The following OR2L3 variants were observed in gnomAD, a reference collection of about 807,000 sequenced individuals.
OR2L3 encodes the protein olfactory receptor 2L3.
For missense variants in OR2L3, 369 were observed against 376.6 expected (o/e 0.98, Z 0.17); for synonymous variants, 131 against 139.1 (o/e 0.94, Z 0.41).
In OR2L3 at chr1:248,052,862, A is replaced by G. The variant is rs552036604; in HGVS notation, c.-22+5982A>G. ...TAGAATGGGCTTTTCTGTTTCTGAAAAAAAAAATTTATCATTTTAATTTTG... is the reference window on the plus strand; with the variant it reads ...TAGAATGGGCTTTTCTGTTTCTGAAGAAAAAAATTTATCATTTTAATTTTG... On this transcript the variant is annotated intron_variant, in intron 1 of 1. Coordinates refer to ENST00000359959, the MANE Select transcript of OR2L3 (RefSeq NM_001004687.2). 7.2e-5 allele frequency among the ~76,000 whole-genome samples: 11 copies of G among 152,250 alleles called. No homozygotes were observed. In the South Asian group the frequency reaches 2.3e-3, roughly 32 times the overall value.
intron 1 of OR2L3, among the ~76,000 whole-genome samples, chr1:248,057,267 T>A (rs1050241371): frequency 2.0e-5 from 3 of 152,106 alleles, no homozygotes; most frequent in Non-Finnish European, 4.4e-5. Flanking sequence ...TGTGTAGGGG[T>A]CTAAGTCTCT....
At chr1:248,057,316 C>A (rs2103120579) in intron 1 of OR2L3, among the ~76,000 whole-genome samples, 1 of 152,230 alleles carries the variant, frequency 6.6e-6, no homozygotes. Flanking sequence ...AATCTGGATG[C>A]TCCTGTATTG....
Position 248,061,338 on chromosome 1 carries a change from G to T in OR2L3, c.657G>T (p.Arg219=). The T allele has an allele frequency of 6.2e-7, 1 of 1,613,834 alleles. No homozygotes were observed. The highest frequency in any genetic ancestry group is 8.5e-7 in the Non-Finnish European group (1 of 1,179,996). Residue 219 remains arginine, a synonymous_variant, in exon 2 of 2, where the codon CGG becomes CGT. Coordinates refer to ENST00000359959, the MANE Select transcript of OR2L3 (RefSeq NM_001004687.2). ...PFIAISCSYG[R]VLLAVYHMKS... is the part of the protein sequence containing the mutation. ...TTGCTATTTCATGTTCCTATGGCCG[G>T]GTTCTCCTTGCTGTCTACCACATGA...
At chr1:248,060,391 G>T (rs1663583185) in intron 1 of OR2L3, among the ~76,000 whole-genome samples, 1 of 152,160 alleles carries the variant, frequency 6.6e-6, no homozygotes, top group Admixed American at 6.6e-5. Context: ...AAAACATTTT[G>T]AGAGAGAAAG....
intron 1 of OR2L3, among the ~76,000 whole-genome samples, chr1:248,055,483 T>C (rs1258236181): frequency 6.6e-6 from 1 of 152,110 alleles, no homozygotes; most frequent in Non-Finnish European, 1.5e-5. Flanking sequence ...GGGCTGGGCA[T>C]GGTGACTCAT....
Position 248,061,720 on chromosome 1 carries a change from A to C in OR2L3, c.*100A>C. ...TCAATCCTAGAGTTCAGGAGCTAAA[A>C]GTAATCAAGGTAAGAGAAAAAAATC... is the stretch of plus-strand genomic sequence containing the variant. On this transcript the variant is annotated 3_prime_UTR_variant, in exon 2 of 2. Coordinates refer to ENST00000359959, the MANE Select transcript of OR2L3 (RefSeq NM_001004687.2). The C allele has an allele frequency of 8.9e-7, 1 of 1,124,540 alleles. No homozygotes were observed. The highest frequency in any genetic ancestry group is 1.8e-5 in the South Asian group (1 of 55,496). 69.7% of individuals were successfully genotyped at this position (1,124,540 alleles called of 1,614,324 possible).
intron 1 of OR2L3, among the ~76,000 whole-genome samples, chr1:248,048,013 A>T (rs1388445752): frequency 3.9e-5 from 6 of 152,206 alleles, no homozygotes; most frequent in African/African-American, 1.2e-4. Flanking sequence ...AATTCGATTT[A>T]TTTTAAATGG....
intron 1 of OR2L3, among the ~76,000 whole-genome samples, chr1:248,055,077 G>C (rs926161520): frequency 6.6e-6 from 1 of 152,152 alleles, no homozygotes; most frequent in Non-Finnish European, 1.5e-5. Context: ...CTGTGGGTTT[G>C]TCATAAATGG....
chr1:248,051,531 A>G (rs1663263576), intron 1 of OR2L3, among the ~76,000 whole-genome samples: 1 of 152,312 alleles, frequency 6.6e-6, no homozygotes, highest in African/African-American at 2.4e-5. Context: ...GGAGCTAAGC[A>G]TTGGGTACAC....
rs755588484 is a variant in OR2L3 at position 248,061,149 on chromosome 1, T to A, written c.468T>A (p.Cys156Ter). The A allele has an allele frequency of 1.8e-5, 28 of 1,544,032 alleles. No individual in the cohort carries two copies. The highest frequency in any genetic ancestry group is 1.7e-4 in the Middle Eastern group (1 of 5,902). Residue 156 changes from cysteine (C) to a stop codon, truncating the protein, a stop_gained, in exon 2 of 2, where the codon TGT becomes TGA. Transcript: ENST00000359959. LOFTEE classifies it low-confidence loss of function (END_TRUNC). ...GSWIIGSINA[C>*]AHTVYVLHIP... The stretch of plus-strand genomic sequence containing the variant: ...GGATCATAGGCTCGATCAATGCTTG[T>A]GCTCACACTGTATATGTACTCCATA...
At chr1:248,054,350 G>C (rs1663365011) in intron 1 of OR2L3, among the ~76,000 whole-genome samples, 1 of 152,098 alleles carries the variant, frequency 6.6e-6, no homozygotes, top group Non-Finnish European at 1.5e-5. Context: ...ATAAGTTTAT[G>C]TTACTGTAGC....
At chr1:248,054,874 A>G (rs1365396072) in intron 1 of OR2L3, among the ~76,000 whole-genome samples, 1 of 152,152 alleles carries the variant, frequency 6.6e-6, no homozygotes, top group Non-Finnish European at 1.5e-5. Flanking sequence ...ATAGAATCAT[A>G]TCATCTGAAA....
Position 248,061,040 on chromosome 1 carries a change from A to G in OR2L3, c.359A>G (p.Asp120Gly), listed in dbSNP as rs1663612659. Residue 120 changes from aspartate (D) to glycine (G), a missense_variant, in exon 2 of 2, where the codon GAT (aspartate) becomes GGT (glycine). By Grantham distance (94) the Asp-to-Gly change is moderately conservative (BLOSUM62 -1). Coordinates refer to ENST00000359959, the MANE Select transcript of OR2L3 (RefSeq NM_001004687.2). ...EALLLASMAY[D>G]RYIAICFPLH... Reference sequence around the variant, plus strand: ...CTACTTTTGGCATCTATGGCCTATGATCGTTACATTGCTATTTGCTTTCCT... The same window carrying G: ...CTACTTTTGGCATCTATGGCCTATGGTCGTTACATTGCTATTTGCTTTCCT... The G allele has an allele frequency of 1.2e-6, 2 of 1,614,012 alleles. No homozygotes were observed. Among genetic ancestry groups the G allele is most frequent in the Non-Finnish European group, 1.7e-6 (2 of 1,180,008 alleles).
intron 1 of OR2L3, among the ~76,000 whole-genome samples, chr1:248,050,137 CGTA>C (rs1558198544): frequency 6.6e-6 from 1 of 152,016 alleles, no homozygotes; most frequent in African/African-American, 2.4e-5. Flanking sequence ...TCACATGAGA[CGTA>C]GTTCAGGTTT....
intron 1 of OR2L3, among the ~76,000 whole-genome samples, chr1:248,052,350 G>T (rs1663287625): frequency 6.6e-6 from 1 of 152,132 alleles, no homozygotes; most frequent in Non-Finnish European, 1.5e-5. Flanking sequence ...GCTATTTCTT[G>T]ACTCTGTTTT....
chr1:248,047,097 C>T (rs1437320185), intron 1 of OR2L3, among the ~76,000 whole-genome samples: 5 of 151,978 alleles, frequency 3.3e-5, no homozygotes, highest in East Asian at 1.9e-4. Context: ...GTTTTCTGGA[C>T]GGGAAGGTAA....
chr1:248,047,637 G>C (rs1663121022), intron 1 of OR2L3, among the ~76,000 whole-genome samples: 1 of 151,916 alleles, frequency 6.6e-6, no homozygotes. Flanking sequence ...TTTTCTTTCG[G>C]GACACAAGGT....
At chr1:248,051,236 CT>C (rs1369048368) in intron 1 of OR2L3, 3 of 152,188 alleles carry the variant, frequency 2.0e-5, no homozygotes, top group Non-Finnish European at 4.4e-5. Context: ...ACTGTGGGTA[CT>C]TCATGTAAGT....
intron 1 of OR2L3, among the ~76,000 whole-genome samples, chr1:248,060,245 C>T (rs1007972571): frequency 2.0e-5 from 3 of 152,080 alleles, no homozygotes; most frequent in African/African-American, 7.2e-5. Flanking sequence ...AGATATCTTT[C>T]TTATAAATTT....
Sources: gnomAD v4.1 joint callset for allele counts (sites outside exome capture counted in the v4.1 genomes callset) on GRCh38, gnomAD v4.1.1 for gene constraint, MANE v1.5 for transcripts, NCBI Gene and HGNC (gene_info 2026-07-23, HGNC 2026-07-21) for gene names.